The following ST14 variants were observed in gnomAD, a reference collection of about 807,000 sequenced individuals.
ST14 encodes the protein suppressor of tumorigenicity 14 protein.
Under a neutral mutation model 96.5 loss-of-function variants are expected in ST14, and 40 were observed. The observed-to-expected ratio is 0.41, with a 90% CI of 0.32 to 0.54. ST14 has a LOEUF of 0.54. Ranked by LOEUF, ST14 falls within the 20% of genes least tolerant of loss-of-function variation. The pLI is 0.17. For synonymous variants in ST14, 506 were observed against 492.1 expected, an observed-to-expected ratio of 1.03 and a Z score of -0.37; for missense variants, 1,066 against 1,188.9, an observed-to-expected ratio of 0.90 and a Z score of 1.52.
In ST14 at chr11:130,188,440, C is replaced by T; in HGVS notation, c.242-90C>T. 1 of 1,606,326 alleles carries T rather than the reference C, an allele frequency of 6.2e-7. No individual in the cohort carries two copies. The highest frequency in any genetic ancestry group is 8.5e-7 in the Non-Finnish European group (1 of 1,177,520). On this transcript the variant is annotated intron_variant, in intron 2 of 18. Coordinates refer to ENST00000278742, the MANE Select transcript of ST14 (RefSeq NM_021978.4). This position sits in a 1 kb window ranked among gnomAD's most constrained non-coding sequence, Gnocchi z 5.4. The stretch of plus-strand genomic sequence containing the variant: ...GCAGTCAGGGCTGACCCATGGCCCC[C>T]TCCTGGCATTCATTCCCCATTGTGG...
At chr11:130,206,897 C>A (rs971999280) in intron 16 of ST14, among the ~76,000 whole-genome samples, 7 of 152,158 alleles carry the variant, frequency 4.6e-5, no homozygotes, top group African/African-American at 1.7e-4. Flanking sequence ...TAAAGAATAG[C>A]TTTCCTTTTC....
In ST14 at chr11:130,198,496, G is replaced by C. The variant is rs1228401074; in HGVS notation, c.1571-12G>C. The C allele has an allele frequency of 1.9e-6, 3 of 1,613,772 alleles. No individual in the cohort carries two copies. The highest frequency in any genetic ancestry group is 1.3e-5 in the African/African-American group (1 of 74,920). On this transcript the variant is annotated splice_polypyrimidine_tract_variant and intron_variant, in intron 13 of 18. Transcript: ENST00000278742. ...GGTGGCTCCTGGTGGCTGAGTCCTG[G>C]TGCCTCTCCAGGTTGTCCGGCCCAG...
At chr11:130,160,491 T>A (rs1484074882) in intron 1 of ST14, among the ~76,000 whole-genome samples, 1 of 152,082 alleles carries the variant, frequency 6.6e-6, no homozygotes, top group East Asian at 1.9e-4. Flanking sequence ...CTTTCGTCTC[T>A]CTCCTTCCCC....
chr11:130,207,492 A>G (rs1280653201), intron 16 of ST14, among the ~76,000 whole-genome samples: 4 of 152,200 alleles, frequency 2.6e-5, no homozygotes, highest in African/African-American at 7.2e-5. Flanking sequence ...TGCAGGTTAC[A>G]GTGAACTGAG....
At chr11:130,202,075 G>A (rs941894468) in intron 16 of ST14, among the ~76,000 whole-genome samples, 4 of 152,222 alleles carry the variant, frequency 2.6e-5, no homozygotes, top group African/African-American at 7.2e-5. Flanking sequence ...AGGTCCGGTT[G>A]CTTAGTGTGT....
rs560422150 is a variant in ST14, at chr11:130,193,684, G to A, written c.876-465G>A. 2.2e-4 allele frequency among the ~76,000 whole-genome samples: 34 copies of A among 152,266 alleles called. No individual in the cohort carries two copies. The East Asian group carries it at 6.6e-3, about 29-fold the overall frequency. On this transcript the variant is annotated intron_variant, in intron 7 of 18. Coordinates refer to ENST00000278742, the MANE Select transcript of ST14 (RefSeq NM_021978.4). ...GGGATTTCACCATGTTGGCCAGGCCGGTCTCGAACTCCTGACCTCAGGTGA... is the reference window on the plus strand; with the variant it reads ...GGGATTTCACCATGTTGGCCAGGCCAGTCTCGAACTCCTGACCTCAGGTGA...
intron 1 of ST14, among the ~76,000 whole-genome samples, chr11:130,180,093 C>T (rs996806220): frequency 2.6e-5 from 4 of 152,154 alleles, no homozygotes; most frequent in Admixed American, 1.3e-4. Flanking sequence ...TTGGAGTCAC[C>T]GAGCGTGTCA....
intron 1 of ST14, among the ~76,000 whole-genome samples, chr11:130,169,761 C>G (rs1953073366): frequency 6.6e-6 from 1 of 152,080 alleles, no homozygotes; most frequent in African/African-American, 2.4e-5. Flanking sequence ...ACAAGTATCT[C>G]CATAAAAATG....
At chr11:130,160,721 A>G (rs1468652361) in intron 1 of ST14, among the ~76,000 whole-genome samples, 1 of 152,240 alleles carries the variant, frequency 6.6e-6, no homozygotes, top group Non-Finnish European at 1.5e-5. Context: ...TTTGGCAGAA[A>G]GAACAATGAA....
At chr11:130,189,547 G>A (rs1249057532) in intron 4 of ST14, 192 bp from the exon 5 acceptor site, 1 of 681,602 alleles carries the variant, frequency 1.5e-6, no homozygotes, top group Non-Finnish European at 2.4e-6. Flanking sequence ...GACTGTGAGA[G>A]CAGAGGGCAA....
At chr11:130,170,631 C>T (rs924319071) in intron 1 of ST14, among the ~76,000 whole-genome samples, 4 of 151,740 alleles carry the variant, frequency 2.6e-5, no homozygotes, top group Non-Finnish European at 4.4e-5. Context: ...CCAGCCATTC[C>T]GAGCAGGCAG....
chr11:130,198,645 C>T (rs1315161341), intron 14 of ST14, 24 bp downstream of exon 14: 1 of 1,598,576 alleles, frequency 6.3e-7, no homozygotes. Flanking sequence ...CACCCATCTT[C>T]CTGTTGGGGG....
intron 4 of ST14, chr11:130,189,504 A>G (rs758737036): frequency 1.7e-6 from 1 of 586,492 alleles, no homozygotes; most frequent in Non-Finnish European, 3.0e-6. Context: ...CCTACCCCTG[A>G]GCAGCCCCCA....
At chr11:130,179,879 G>A (rs192942636) in intron 1 of ST14, among the ~76,000 whole-genome samples, 89 of 152,312 alleles carry the variant, frequency 5.8e-4, no homozygotes, top group Admixed American at 5.6e-3. Flanking sequence ...GGCAGGGAGC[G>A]GCCACGAGGT....
intron 12 of ST14, 83 bp downstream of exon 12, chr11:130,198,028 A>C: frequency 7.2e-7 from 1 of 1,398,432 alleles, no homozygotes; most frequent in Admixed American, 2.0e-5. Context: ...CTGACTGCCG[A>C]GGCAGAAAGG....
intron 15 of ST14, 73 bp from the exon 16 acceptor site, chr11:130,199,878 C>T: frequency 1.3e-6 from 2 of 1,588,562 alleles, no homozygotes; most frequent in South Asian, 2.2e-5. Context: ...TCCTGGCACA[C>T]ACTGCATGTC....
chr11:130,187,268 G>A lies in ST14; in HGVS notation c.82-846G>A, dbSNP rs1316644960. On this transcript the variant is annotated intron_variant, in intron 1 of 18. Transcript: ENST00000278742. This position sits in a 1 kb window ranked among gnomAD's most constrained non-coding sequence, Gnocchi z 4.5. ...GGGCGGGCAGACGGCATGTGCTATC[G>A]GCAGAAGCCTTCGCCGGTCCGTCAC... 1.3e-5 allele frequency among the ~76,000 whole-genome samples: 2 copies of A among 152,174 alleles called. No individual in the cohort carries two copies. Among genetic ancestry groups the A allele is most frequent in the Non-Finnish European group, 2.9e-5 (2 of 68,038 alleles).
chr11:130,177,044 T>G (rs1029972218), intron 1 of ST14, among the ~76,000 whole-genome samples: 2 of 151,590 alleles, frequency 1.3e-5, no homozygotes, highest in Admixed American at 6.6e-5. Context: ...GTGATCCACC[T>G]GCCTTGGCCT....
At chr11:130,165,468 C>T (rs1371810216) in intron 1 of ST14, among the ~76,000 whole-genome samples, 4 of 152,162 alleles carry the variant, frequency 2.6e-5, no homozygotes, top group African/African-American at 9.7e-5. Context: ...AGAATCTTTC[C>T]AGAAGCAGCT....
Sources: allele counts gnomAD v4.1 joint callset (sites outside exome capture counted in the v4.1 genomes callset), GRCh38; gene constraint gnomAD v4.1.1; non-coding constraint Gnocchi (gnomAD v3.1); transcripts MANE v1.5; gene names NCBI Gene and HGNC (gene_info 2026-07-23, HGNC 2026-07-21).